Variants in AUTS2 observed in about 807,000 individuals in gnomAD.
AUTS2 encodes activator of transcription and developmental regulator AUTS2, also known as autism susceptibility gene 2 protein.
A neutral mutation model predicts 112.4 loss-of-function variants in AUTS2; 17 were observed. The ratio of observed to expected loss-of-function variants is 0.15; its 90% CI spans 0.10 to 0.23. The LOEUF is 0.23. Among genes scored for constraint, AUTS2 ranks in the 10% least tolerant of loss-of-function variants. The pLI is 1.00. For synonymous variants in AUTS2, 751 were observed against 702.7 expected (o/e 1.07, Z -1.09); for missense variants, 1,510 against 1,701.6 (o/e 0.89, Z 1.98).
chr7:70,177,503 T>A (rs1462880185), intron 4 of AUTS2, among the ~76,000 whole-genome samples: 1 of 152,244 alleles, frequency 6.6e-6, no homozygotes, highest in Non-Finnish European at 1.5e-5. Context: ...TTAGATCATT[T>A]CATTTCTGTT....
chr7:70,716,881 A>C (rs2129550727), intron 6 of AUTS2, among the ~76,000 whole-genome samples: 1 of 152,226 alleles, frequency 6.6e-6, no homozygotes, highest in African/African-American at 2.4e-5. Context: ...GTAACCTCCC[A>C]CAAAATGAGA....
intron 5 of AUTS2, among the ~76,000 whole-genome samples, chr7:70,458,118 A>T (rs1163547190): frequency 6.6e-6 from 1 of 152,108 alleles, no homozygotes; most frequent in Non-Finnish European, 1.5e-5. Flanking sequence ...TGTCTGCCTC[A>T]GGCCACCCCT....
intron 4 of AUTS2, among the ~76,000 whole-genome samples, chr7:70,338,347 G>A (rs1791089129): frequency 6.6e-6 from 1 of 152,176 alleles, no homozygotes; most frequent in Admixed American, 6.5e-5. Context: ...TTACATGTTG[G>A]AGGATTAACT....
intron 4 of AUTS2, among the ~76,000 whole-genome samples, chr7:70,338,108 T>C (rs981639027): frequency 6.6e-6 from 1 of 152,232 alleles, no homozygotes; most frequent in African/African-American, 2.4e-5. Context: ...ATTGCAGTAA[T>C]TAAACTATAT....
chr7:70,511,456 A>G (rs1369804188), intron 5 of AUTS2, among the ~76,000 whole-genome samples: 5 of 151,752 alleles, frequency 3.3e-5, no homozygotes, highest in African/African-American at 9.7e-5. Flanking sequence ...AATCTAGGTA[A>G]TCACACATCC....
At chr7:70,551,112 C>T (rs535167954) in intron 5 of AUTS2, among the ~76,000 whole-genome samples, 7 of 152,066 alleles carry the variant, frequency 4.6e-5, no homozygotes, top group African/African-American at 1.2e-4. Context: ...AAGGAAGCAT[C>T]GGATTATAAC....
At chr7:69,983,514 CTG>C (rs35678805) in intron 2 of AUTS2, among the ~76,000 whole-genome samples, 15,455 of 148,750 alleles carry the variant, frequency 0.1, 1,354 homozygotes, top group African/African-American at 0.24. Flanking sequence ...TCGCTTTGTA[CTG>C]TGTGTGTGTG....
Position 70,631,485 on chromosome 7 carries a change from G to A in AUTS2, c.691-67084G>A, listed in dbSNP as rs1805255867. 6.6e-6 allele frequency among the ~76,000 whole-genome samples: 1 copy of A among 152,200 alleles called. No individual in the cohort carries two copies. The highest frequency in any genetic ancestry group is 1.5e-5 in the Non-Finnish European group (1 of 68,028). On this transcript the variant is annotated intron_variant, in intron 5 of 18. Coordinates refer to ENST00000342771, the MANE Select transcript of AUTS2 (RefSeq NM_015570.4). The surrounding 1 kb of genome is among the most constrained non-coding windows in gnomAD (Gnocchi z 4.5). ...GTTAGGGAGTTCCGAGACTCTCCAT[G>A]ATTTCTGAACCGTGGGGGACGGGGT...
In AUTS2 at chr7:69,979,307, G is replaced by T. The variant is rs555406047; in HGVS notation, c.522+79809G>T. On this transcript the variant is annotated intron_variant, in intron 2 of 18. Transcript: ENST00000342771. ...TTTGCTAGTTGGTGGAGGAAAACTT[G>T]CTGTTTGAGACAAGTAGGACTTGAT... is the stretch of plus-strand genomic sequence containing the variant. Among the ~76,000 whole-genome samples the T allele has an allele frequency of 2.1e-3, 327 of 152,308 alleles. 1 individual carries two copies. The highest frequency in any genetic ancestry group is 3.4e-3 in the Middle Eastern group (1 of 294).
chr7:69,831,600 C>T (rs1195841924), intron 1 of AUTS2, among the ~76,000 whole-genome samples: 2 of 151,716 alleles, frequency 1.3e-5, no homozygotes, highest in African/African-American at 4.8e-5. Context: ...CTTCTGTAAG[C>T]CAGGACCCAA....
At chr7:70,723,286 A>G (rs1244425981) in intron 6 of AUTS2, among the ~76,000 whole-genome samples, 1 of 152,088 alleles carries the variant, frequency 6.6e-6, no homozygotes, top group Non-Finnish European at 1.5e-5. Context: ...ACCCCTTGCA[A>G]TTGCTTTGGT....
chr7:70,001,006 A>T (rs150299694), intron 2 of AUTS2, among the ~76,000 whole-genome samples: 1 of 152,342 alleles, frequency 6.6e-6, no homozygotes, highest in African/African-American at 2.4e-5. Context: ...GCCTGGTTGA[A>T]TTAAGCTTGG....
intron 4 of AUTS2, among the ~76,000 whole-genome samples, chr7:70,325,632 A>C (rs962706112): frequency 6.6e-6 from 1 of 152,210 alleles, no homozygotes; most frequent in African/African-American, 2.4e-5. Context: ...AACAAGTAGA[A>C]CCTGGTCACT....
chr7:70,362,300 T>TCTCTCTC (rs1792305686), intron 4 of AUTS2, among the ~76,000 whole-genome samples: 1 of 151,864 alleles, frequency 6.6e-6, no homozygotes. Flanking sequence ...CCCTCCCTTG[T>TCTCTCTC]CTCTCTCCTC....
At chr7:70,742,122 T>C (rs1788150132) in intron 6 of AUTS2, among the ~76,000 whole-genome samples, 1 of 152,244 alleles carries the variant, frequency 6.6e-6, no homozygotes, top group Non-Finnish European at 1.5e-5. Flanking sequence ...AAGCATCTTT[T>C]TTGTTCTTAT....
chr7:70,050,648 T>G (rs1448862366), intron 2 of AUTS2, among the ~76,000 whole-genome samples: 1 of 152,106 alleles, frequency 6.6e-6, no homozygotes, highest in Non-Finnish European at 1.5e-5. Flanking sequence ...GCTGCTTACT[T>G]CTAACTTCCC....
chr7:69,822,014 A>G (rs752846154), intron 1 of AUTS2, among the ~76,000 whole-genome samples: 7 of 152,006 alleles, frequency 4.6e-5, no homozygotes, highest in Non-Finnish European at 1.0e-4. Context: ...TAACAAGATT[A>G]GAGTTGTAAT....
chr7:70,045,914 T>C (rs1213936998), intron 2 of AUTS2, among the ~76,000 whole-genome samples: 2 of 151,512 alleles, frequency 1.3e-5, no homozygotes, highest in African/African-American at 4.8e-5. Context: ...CATGAGCCAC[T>C]GCGCCTGGCC....
At chr7:70,578,638 GT>G (rs1466211861) in intron 5 of AUTS2, among the ~76,000 whole-genome samples, 1 of 152,152 alleles carries the variant, frequency 6.6e-6, no homozygotes, top group Non-Finnish European at 1.5e-5. Flanking sequence ...CCAAGAATCA[GT>G]CCCCCTCTTC....
Sources: allele counts gnomAD v4.1 joint callset (sites outside exome capture counted in the v4.1 genomes callset), GRCh38; gene constraint gnomAD v4.1.1; non-coding constraint Gnocchi (gnomAD v3.1); transcripts MANE v1.5; gene names NCBI Gene and HGNC (gene_info 2026-07-23, HGNC 2026-07-21).